The following SPIRE2 variants were observed in gnomAD, a reference collection of about 807,000 sequenced individuals.
SPIRE2 encodes protein spire homolog 2.
SPIRE2 carries 76 observed loss-of-function variants against 80.7 expected under a neutral mutation model. The ratio of observed to expected loss-of-function variants is 0.94; its 90% CI spans 0.78 to 1.14. The LOEUF (loss-of-function observed/expected upper bound fraction) is 1.14, where lower values mean the gene tolerates loss of function less well. Among genes scored for constraint, SPIRE2 ranks in the 50% most tolerant of loss-of-function variants. The pLI is 0.00. For missense variants in SPIRE2, 1,196 were observed against 1,015.3 expected (o/e 1.18, Z -2.42); for synonymous variants, 535 against 432.6 (o/e 1.24, Z -2.94).
At position 89,854,358 on chromosome 16, in the gene SPIRE2, A is replaced by C. The variant is rs1567675302; in HGVS notation, c.718A>C (p.Thr240Pro). Reference protein sequence around the residue: ...PRAELDSLGHTDWARLWVQLM... With the variant: ...PRAELDSLGHPDWARLWVQLM... ...GGCAGAGCTGGACAGCCTGGGTCAC[A>C]CAGACTGGGTAAGGCTCACTCCCAC... Residue 240 changes from threonine (T) to proline (P), a missense_variant, in exon 4 of 15, where the codon ACA becomes CCA. Transcript: ENST00000378247. 1 of 1,612,384 alleles carries C rather than the reference A, an allele frequency of 6.2e-7. No individual in the cohort carries two copies.
In SPIRE2 at chr16:89,828,488, G is replaced by A. The variant is rs2041346084; in HGVS notation, c.-63G>A. 1 of 989,224 alleles carries A rather than the reference G, an allele frequency of 1.0e-6. No individual in the cohort carries two copies. 61.3% of individuals were successfully genotyped at this position (989,224 alleles called of 1,614,324 possible). ...GGCGGGGCGGCCAGGCTGACCCTGC[G>A]CGGCGGAAGGCGCGGCTGCATGGAC... On this transcript the variant is annotated 5_prime_UTR_variant, in exon 1 of 15. Coordinates refer to ENST00000378247, the MANE Select transcript of SPIRE2 (RefSeq NM_032451.2). The surrounding 1 kb of genome is among the most constrained non-coding windows in gnomAD (Gnocchi z 5.9).
rs774663209 is a variant in SPIRE2, at chr16:89,845,308, C to G, written c.245-14C>G. On this transcript the variant is annotated splice_polypyrimidine_tract_variant and intron_variant, in intron 1 of 14. Transcript: ENST00000378247. The stretch of plus-strand genomic sequence containing the variant: ...GGATGCTGACAAATAACTTAACTCC[C>G]TCTTCTCTTACAGAACCTGCAACCA... 6.2e-7 allele frequency: 1 copy of G among 1,606,582 alleles called. No individual in the cohort carries two copies. Among genetic ancestry groups the G allele is most frequent in the Non-Finnish European group, 8.5e-7 (1 of 1,172,886 alleles).
At chr16:89,858,604 T>C (rs1159840665) in intron 8 of SPIRE2, 97 bp downstream of exon 8, 2 of 1,222,688 alleles carry the variant, frequency 1.6e-6, no homozygotes, top group African/African-American at 1.5e-5. Flanking sequence ...GCAGCAGCAA[T>C]TGCGGTGTCT....
At chr16:89,840,451 G>A (rs1009551794) in intron 1 of SPIRE2, among the ~76,000 whole-genome samples, 26 of 150,496 alleles carry the variant, frequency 1.7e-4, no homozygotes, top group Non-Finnish European at 2.1e-4. Context: ...GGGTTTCACC[G>A]TGTTAGCCAG....
At chr16:89,853,125 G>C (rs2041652596) in intron 3 of SPIRE2, among the ~76,000 whole-genome samples, 1 of 152,150 alleles carries the variant, frequency 6.6e-6, no homozygotes, top group South Asian at 2.1e-4. Flanking sequence ...TTGTGTCTCT[G>C]ATCAGGCTGT....
At chr16:89,840,289 G>A (rs1047226932) in intron 1 of SPIRE2, among the ~76,000 whole-genome samples, 10 of 135,962 alleles carry the variant, frequency 7.4e-5, no homozygotes, top group South Asian at 4.5e-4. Context: ...TCGCTCTGTC[G>A]TCCAGGCTGG....
chr16:89,850,647 G>T lies in SPIRE2; in HGVS notation c.632G>T (p.Arg211Leu). Residue 211 changes from arginine to leucine, a missense_variant, in exon 3 of 15, where the codon CGG (arginine) becomes CTG (leucine). Physicochemically the swap from Arg to Leu is moderately radical, Grantham distance 102. Transcript: ENST00000378247. ...CTGCGGGCCTTCCTGGCCAGGGTCC[G>T]GGAGGCCAAGGAGGTGAGCGGTGGG... ...LELRAFLARV[R>L]EAKEMLQKLR... The T allele has an allele frequency of 6.7e-7, 1 of 1,500,408 alleles. No individual in the cohort carries two copies. Among genetic ancestry groups the T allele is most frequent in the Non-Finnish European group, 8.8e-7 (1 of 1,131,110 alleles). 92.9% of individuals were successfully genotyped at this position (1,500,408 alleles called of 1,614,324 possible). A position where few individuals can be genotyped will look rare whatever the true frequency, so the allele number is the denominator to read the frequency against.
At chr16:89,850,140 A>G in intron 2 of SPIRE2, 164 bp from the exon 3 acceptor site, 1 of 726,838 alleles carries the variant, frequency 1.4e-6, no homozygotes, top group Non-Finnish European at 2.5e-6. Flanking sequence ...CCGGCCGGGA[A>G]CATCCTTTTC....
intron 13 of SPIRE2, among the ~76,000 whole-genome samples, chr16:89,869,054 A>AACAAACAT (rs1491145682): frequency 2.1e-5 from 1 of 48,470 alleles, no homozygotes; most frequent in African/African-American, 1.0e-4. Context: ...AAAAAAAAAA[A>AACAAACAT]TATATATATA....
chr16:89,831,862 T>C (rs2041387167), intron 1 of SPIRE2, among the ~76,000 whole-genome samples: 1 of 151,344 alleles, frequency 6.6e-6, no homozygotes, highest in African/African-American at 2.4e-5. Context: ...TCTGGGGTTC[T>C]GCTGTTTCGC....
chr16:89,845,181 TG>T, intron 1 of SPIRE2, 140 bp from the exon 2 acceptor site: 1 of 762,770 alleles, frequency 1.3e-6, no homozygotes. Context: ...ACCAAGTGGC[TG>T]GGCCTGCTGT....
chr16:89,828,620 C>T lies in SPIRE2; in HGVS notation c.70C>T (p.Leu24=). 6.0e-6 allele frequency: 8 copies of T among 1,326,982 alleles called. No individual in the cohort carries two copies. The highest frequency in any genetic ancestry group is 1.5e-5 in the African/African-American group (1 of 65,686). 82.2% of individuals were successfully genotyped at this position (1,326,982 alleles called of 1,614,324 possible). A position where few individuals can be genotyped will look rare whatever the true frequency, so the allele number is the denominator to read the frequency against. Residue 24 remains leucine (L), a synonymous_variant, in exon 1 of 15, where the codon CTG becomes TTG. Transcript: ENST00000378247. This position sits in a 1 kb window ranked among gnomAD's most constrained non-coding sequence, Gnocchi z 5.9. The part of the protein sequence containing the change: ...AGRPEPWELS[L]EEVLKAYEQP... The stretch of plus-strand genomic sequence containing the variant: ...GCGGCCGGAGCCCTGGGAGCTGTCC[C>T]TGGAGGAGGTGCTGAAGGCCTACGA...
Position 89,863,274 on chromosome 16 carries a change from T to C in SPIRE2, c.1576-202T>C, listed in dbSNP as rs537594127. On this transcript the variant is annotated intron_variant, in intron 10 of 14. Coordinates refer to ENST00000378247, the MANE Select transcript of SPIRE2 (RefSeq NM_032451.2). The surrounding 1 kb of genome is among the most constrained non-coding windows in gnomAD (Gnocchi z 4.3). The stretch of plus-strand genomic sequence containing the variant: ...GCTGGCCGGCAGGGTCCGCTGGTCA[T>C]GGGAGGCCTGGCCTGCAGCAGCAGG... 17 of 614,406 alleles carry C rather than the reference T, an allele frequency of 2.8e-5. No individual in the cohort carries two copies. The highest frequency in any genetic ancestry group is 2.2e-4 in the South Asian group (11 of 50,222). The allele number at this position is 614,406 out of a possible 1,614,324, so 38.1% of individuals were successfully genotyped here. A position where few individuals can be genotyped will look rare whatever the true frequency, so the allele number is the denominator to read the frequency against.
chr16:89,855,543 C>A lies in SPIRE2; in HGVS notation c.892-57C>A, dbSNP rs530159102. The A allele has an allele frequency of 4.7e-6, 7 of 1,485,364 alleles. 1 individual carries two copies. The Admixed American group carries it at 8.7e-5, about 18-fold the overall frequency. The allele number at this position is 1,485,364 out of a possible 1,614,324, so 92.0% of individuals were successfully genotyped here. ...TTGGGCTGAGCAGGCCTCTCCCAGT[C>A]GCCCTGCACTAGTGGATGGTCCCTG... is the stretch of plus-strand genomic sequence containing the variant. On this transcript the variant is annotated intron_variant, in intron 5 of 14. Transcript: ENST00000378247.
rs1299656862 is a variant in SPIRE2, at chr16:89,842,229, T to TTTTTTTTTTTTTTTTTTTTC, written c.245-3092_245-3091insTTTTTTTTTTTTTTTTTTCT. On this transcript the variant is annotated intron_variant, in intron 1 of 14. Transcript: ENST00000378247. ...CGTAATTTTTTTTTTTTTTTTTTTT[T>TTTTTTTTTTTTTTTTTTTTC]TGTGACGGAGTCTCACTCTGTTGCC... is the stretch of plus-strand genomic sequence containing the variant. Among the ~76,000 whole-genome samples, 7 of 137,372 alleles carry TTTTTTTTTTTTTTTTTTTTC rather than the reference T, an allele frequency of 5.1e-5. 2 individuals carry two copies. Among genetic ancestry groups the TTTTTTTTTTTTTTTTTTTTC allele is most frequent in the African/African-American group, 1.8e-4 (6 of 32,940 alleles). The allele number at this position is 137,372 out of a possible 152,430, so 90.1% of individuals were successfully genotyped here.
intron 1 of SPIRE2, among the ~76,000 whole-genome samples, chr16:89,832,757 A>T (rs1316226436): frequency 6.6e-6 from 1 of 152,102 alleles, no homozygotes; most frequent in Non-Finnish European, 1.5e-5. Flanking sequence ...GCGTTTGCAG[A>T]GCCGGGCTGA....
intron 3 of SPIRE2, among the ~76,000 whole-genome samples, chr16:89,854,023 G>A (rs879703362): frequency 6.6e-6 from 1 of 152,392 alleles, no homozygotes; most frequent in East Asian, 1.9e-4. Flanking sequence ...GGACTCGGGG[G>A]TGGCAGGGTG....
intron 1 of SPIRE2, among the ~76,000 whole-genome samples, chr16:89,830,496 T>G (rs573066418): frequency 2.0e-5 from 3 of 151,444 alleles, no homozygotes; most frequent in Admixed American, 1.3e-4. Context: ...AGCTGAGACA[T>G]CAGGCCAGCT....
At chr16:89,832,005 G>A (rs779317671) in intron 1 of SPIRE2, among the ~76,000 whole-genome samples, 4 of 152,240 alleles carry the variant, frequency 2.6e-5, no homozygotes, top group Non-Finnish European at 4.4e-5. Context: ...TGCAGAGGGC[G>A]AAGCTCTTCC....
Sources: gnomAD v4.1 joint callset for allele counts (sites outside exome capture counted in the v4.1 genomes callset) on GRCh38, gnomAD v4.1.1 for gene constraint, Gnocchi (gnomAD v3.1) non-coding constraint, MANE v1.5 for transcripts, NCBI Gene and HGNC (gene_info 2026-07-23, HGNC 2026-07-21) for gene names.